GPC5: variants seen among roughly 807,000 people sequenced by gnomAD.
GPC5 encodes glypican 5, also known as glypican-5.
Under a neutral mutation model 53.9 loss-of-function variants are expected in GPC5, and 47 were observed. That is an observed-to-expected ratio of 0.87 (90% CI 0.69 to 1.11). The LOEUF (loss-of-function observed/expected upper bound fraction) is 1.11. Ranked by LOEUF, GPC5 falls within the 50% of genes most tolerant of loss-of-function variation. The probability of loss-of-function intolerance (pLI) is 0.00; values close to 1 mark genes in which losing one functional copy is unlikely to be tolerated. For synonymous variants in GPC5, 286 were observed against 263.3 expected, an observed-to-expected ratio of 1.09 and a Z score of -0.84; for missense variants, 748 against 713.1, an observed-to-expected ratio of 1.05 and a Z score of -0.56.
intron 7 of GPC5, among the ~76,000 whole-genome samples, chr13:92,608,168 ATTAG>A (rs1161690390): frequency 3.3e-5 from 5 of 152,312 alleles, no homozygotes; most frequent in African/African-American, 1.2e-4. Flanking sequence ...TAGTAAGGCT[ATTAG>A]TTAAGTTTGG....
chr13:91,931,483 A>T (rs72633735), intron 6 of GPC5, among the ~76,000 whole-genome samples: 2 of 152,120 alleles, frequency 1.3e-5, no homozygotes, highest in Non-Finnish European at 2.9e-5. Flanking sequence ...CAGAAGCCCA[A>T]CGTCAGACAT....
chr13:92,545,409 T>A (rs894618143), intron 7 of GPC5, among the ~76,000 whole-genome samples: 20 of 152,062 alleles, frequency 1.3e-4, no homozygotes, highest in East Asian at 3.9e-4. Context: ...TAGCAGCATG[T>A]TTTATAATCC....
chr13:92,643,264 AT>A (rs1885654257), intron 7 of GPC5, among the ~76,000 whole-genome samples: 1 of 152,012 alleles, frequency 6.6e-6, no homozygotes, highest in South Asian at 2.1e-4. Flanking sequence ...TTTTGTTGCC[AT>A]TGCTTTTGGT....
At chr13:91,409,775 C>A (rs1258638904) in intron 1 of GPC5, among the ~76,000 whole-genome samples, 1 of 151,784 alleles carries the variant, frequency 6.6e-6, no homozygotes, top group Non-Finnish European at 1.5e-5. Flanking sequence ...ATTGTGTTAT[C>A]CTGAGATTTA....
chr13:92,662,208 A>C (rs987146202), intron 7 of GPC5, among the ~76,000 whole-genome samples: 1 of 152,100 alleles, frequency 6.6e-6, no homozygotes, highest in African/African-American at 2.4e-5. Context: ...TCCCATTGTC[A>C]CTTGAGCACA....
At chr13:92,151,860 G>A (rs2041909694) in intron 7 of GPC5, among the ~76,000 whole-genome samples, 5 of 152,102 alleles carry the variant, frequency 3.3e-5, no homozygotes. Flanking sequence ...CTATCCAAAT[G>A]GGGAGCTTAA....
chr13:91,492,969 C>G (rs544176300), intron 2 of GPC5, among the ~76,000 whole-genome samples: 1 of 144,142 alleles, frequency 6.9e-6, no homozygotes, highest in Non-Finnish European at 1.6e-5. Flanking sequence ...GCTACTGTTT[C>G]GGTAACAATT....
At chr13:91,521,147 G>T (rs969709975) in intron 2 of GPC5, among the ~76,000 whole-genome samples, 1 of 152,100 alleles carries the variant, frequency 6.6e-6, no homozygotes, top group African/African-American at 2.4e-5. Context: ...GTACCATGCT[G>T]TTTCTCTTTT....
intron 7 of GPC5, among the ~76,000 whole-genome samples, chr13:92,825,100 ATC>A (rs776776683): frequency 1.8e-4 from 28 of 152,214 alleles, no homozygotes; most frequent in Middle Eastern, 6.8e-3. Context: ...AGTTCTCTTA[ATC>A]TCTATGATTT....
At chr13:91,541,702 A>G (rs1163778134) in intron 2 of GPC5, among the ~76,000 whole-genome samples, 1 of 152,080 alleles carries the variant, frequency 6.6e-6, no homozygotes, top group Non-Finnish European at 1.5e-5. Flanking sequence ...GGAAGAGATG[A>G]TAATTATATA....
Position 91,612,831 on chromosome 13 carries a change from A to G in GPC5, c.326-80356A>G, listed in dbSNP as rs148252466. 2.3e-3 allele frequency among the ~76,000 whole-genome samples: 351 copies of G among 152,336 alleles called. 3 individuals carry two copies. The highest frequency in any genetic ancestry group is 8.0e-3 in the African/African-American group (333 of 41,586). ...ATTTTCCTTAATATTGTTATTTAGT[A>G]TAACAAAAATAATAGAGATATTTAT... On this transcript the variant is annotated intron_variant, in intron 2 of 7. Transcript: ENST00000377067.
chr13:92,286,754 A>T (rs1594069611), intron 7 of GPC5, among the ~76,000 whole-genome samples: 2 of 114,294 alleles, frequency 1.7e-5, no homozygotes, highest in South Asian at 3.4e-4. Context: ...GGGAGGGGGG[A>T]GGGATAGCAG....
intron 7 of GPC5, among the ~76,000 whole-genome samples, chr13:92,406,633 A>C (rs1178099939): frequency 6.6e-6 from 1 of 152,180 alleles, no homozygotes; most frequent in Non-Finnish European, 1.5e-5. Context: ...AAAAGTGTAT[A>C]AGTTAACTCA....
At chr13:91,522,182 A>G (rs901559910) in intron 2 of GPC5, among the ~76,000 whole-genome samples, 1 of 152,180 alleles carries the variant, frequency 6.6e-6, no homozygotes, top group Non-Finnish European at 1.5e-5. Context: ...ACCTTTGGCC[A>G]TTCATGATCA....
chr13:91,774,189 G>A (rs774397527), intron 5 of GPC5, among the ~76,000 whole-genome samples: 12 of 152,282 alleles, frequency 7.9e-5, no homozygotes, highest in Non-Finnish European at 1.5e-4. Context: ...CACCTGTTCA[G>A]AGGATTCTTA....
rs540739657 is a variant in GPC5, at chr13:92,045,104, C to A, written c.1402-99726C>A. Among the ~76,000 whole-genome samples the A allele has an allele frequency of 3.5e-3, 538 of 152,260 alleles. 5 individuals carry two copies. The highest frequency in any genetic ancestry group is 0.012 in the African/African-American group (511 of 41,558). Reference sequence around the variant, plus strand: ...TTTCAAACAAACTATTCTTGACTTTCTTTTTCCCTCCATAGAACTTGTACC... The same window carrying A: ...TTTCAAACAAACTATTCTTGACTTTATTTTTCCCTCCATAGAACTTGTACC... On this transcript the variant is annotated intron_variant, in intron 6 of 7. Coordinates refer to ENST00000377067, the MANE Select transcript of GPC5 (RefSeq NM_004466.6).
At chr13:92,151,094 G>T (rs923776110) in intron 7 of GPC5, among the ~76,000 whole-genome samples, 12 of 152,052 alleles carry the variant, frequency 7.9e-5, no homozygotes, top group African/African-American at 2.9e-4. Flanking sequence ...CTGGTAGAAA[G>T]AAATTAGGTA....
At chr13:92,127,026 A>T (rs77309678) in intron 6 of GPC5, among the ~76,000 whole-genome samples, 2 of 151,256 alleles carry the variant, frequency 1.3e-5, no homozygotes, top group African/African-American at 4.9e-5. Context: ...AGCTGGTCAT[A>T]TTTTTTTTTC....
At chr13:91,831,628 T>G (rs2038660417) in intron 5 of GPC5, among the ~76,000 whole-genome samples, 1 of 152,046 alleles carries the variant, frequency 6.6e-6, no homozygotes, top group Non-Finnish European at 1.5e-5. Context: ...TTATATAGTG[T>G]TGGTTCTGGA....
Sources: gnomAD v4.1 joint callset for allele counts (sites outside exome capture counted in the v4.1 genomes callset) on GRCh38, gnomAD v4.1.1 for gene constraint, MANE v1.5 for transcripts, NCBI Gene and HGNC (gene_info 2026-07-23, HGNC 2026-07-21) for gene names.